Variants in JUP observed in about 807,000 individuals in gnomAD.
JUP encodes the protein junction plakoglobin.
A neutral mutation model predicts 71.1 loss-of-function variants in JUP; 28 were observed. That is an observed-to-expected ratio of 0.39 (90% CI 0.29 to 0.54). JUP has a LOEUF of 0.54. Among genes scored for constraint, JUP ranks in the 20% least tolerant of loss-of-function variants. The pLI, the probability that JUP is intolerant of heterozygous loss-of-function variation, is 0.62. For missense variants in JUP, 869 were observed against 1,030.1 expected, an observed-to-expected ratio of 0.84 and a Z score of 2.14; for synonymous variants, 401 against 438.9, an observed-to-expected ratio of 0.91 and a Z score of 1.08.
chr17:41,769,007 G>A lies in JUP; in HGVS notation c.669C>T (p.Phe223=), dbSNP rs1555605147. 8 of 1,610,026 alleles carry A rather than the reference G, an allele frequency of 5.0e-6. No homozygotes were observed. In the South Asian group the frequency reaches 6.6e-5, roughly 13 times the overall value. Residue 223 remains phenylalanine (F), a synonymous_variant, in exon 4 of 14, where the codon TTC becomes TTT. Transcript: ENST00000393931. ...CCAGAGCAGGGATGCCACCCGACTTGAAGATGGCGAGCAGCCCCTCCCGGT... is the reference window on the plus strand; with the variant it reads ...CCAGAGCAGGGATGCCACCCGACTTAAAGATGGCGAGCAGCCCCTCCCGGT... The part of the protein sequence containing the change: ...SHHREGLLAI[F]KSGGIPALVR...
rs1916253441 is a variant in JUP at position 41,769,494 on chromosome 17, A to ATGAGATGC, written c.384_391dup (p.Ile131SerfsTer32). ...CAGCTCGGCATCGTCCTGGTAGTTG[A>ATGAGATGC]TGAGATGCACAATGGCCGACTTGAG... On this transcript the variant is annotated frameshift_variant, in exon 3 of 14. Coordinates refer to ENST00000393931, the MANE Select transcript of JUP (RefSeq NM_002230.4). LOFTEE classifies it high-confidence loss of function. 1.2e-6 allele frequency: 2 copies of ATGAGATGC among 1,612,988 alleles called. No individual in the cohort carries two copies. The highest frequency in any genetic ancestry group is 1.7e-6 in the Non-Finnish European group (2 of 1,179,702).
intron 12 of JUP, among the ~76,000 whole-genome samples, chr17:41,757,153 C>A (rs1257665122): frequency 6.6e-6 from 1 of 152,176 alleles, no homozygotes; most frequent in Non-Finnish European, 1.5e-5. Flanking sequence ...CCGCCCATAG[C>A]CTATCCAGCA....
chr17:41,757,624 C>T lies in JUP; in HGVS notation c.1924+10G>A. Reference sequence around the variant, plus strand: ...AGTGGGACCCAGCCTCCTGCCCTCCCCCAGCTCACCAGTGCCCTCGTTGCG... The same window carrying T: ...AGTGGGACCCAGCCTCCTGCCCTCCTCCAGCTCACCAGTGCCCTCGTTGCG... On this transcript the variant is annotated intron_variant, in intron 11 of 13. Transcript: ENST00000393931. 1 of 1,613,814 alleles carries T rather than the reference C, an allele frequency of 6.2e-7. No individual in the cohort carries two copies.
At position 41,755,229 on chromosome 17, in the gene JUP, A is replaced by C; in HGVS notation, c.*515T>G. The C allele has an allele frequency of 2.5e-6, 1 of 398,810 alleles. No individual in the cohort carries two copies. Among genetic ancestry groups the C allele is most frequent in the Non-Finnish European group, 4.4e-6 (1 of 226,362 alleles). 24.7% of individuals were successfully genotyped at this position (398,810 alleles called of 1,614,324 possible). The stretch of plus-strand genomic sequence containing the variant: ...CTGAAGCTTTAGTGGCCAGGGCCAC[A>C]GGGGCGGGGAGGGGGTGTCAGGCCC... On this transcript the variant is annotated 3_prime_UTR_variant, in exon 14 of 14. Coordinates refer to ENST00000393931, the MANE Select transcript of JUP (RefSeq NM_002230.4).
rs373684603 is a variant in JUP, at chr17:41,758,371, C to A, written c.1773+28G>T. ...GCCCTTTAAGCAGTGGTGGGGGGAC[C>A]TCTCCTGCCCACCTGCCCCAGACTC... On this transcript the variant is annotated intron_variant, in intron 10 of 13. Transcript: ENST00000393931. 4.7e-5 allele frequency: 75 copies of A among 1,611,814 alleles called. No homozygotes were observed. In the African/African-American group the frequency reaches 9.0e-4, roughly 19 times the overall value.
intron 1 of JUP, among the ~76,000 whole-genome samples, chr17:41,780,095 G>A (rs1277434273): frequency 2.6e-5 from 4 of 152,204 alleles, no homozygotes; most frequent in Admixed American, 6.5e-5. Context: ...GGTAGGGAAA[G>A]ACACAGAAAG....
chr17:41,783,776 G>A (rs1300063245), intron 1 of JUP, among the ~76,000 whole-genome samples: 4 of 151,648 alleles, frequency 2.6e-5, no homozygotes, highest in East Asian at 2.0e-4. Flanking sequence ...AAAATCAGCC[G>A]GGGGTGGTGG....
intron 1 of JUP, among the ~76,000 whole-genome samples, chr17:41,781,370 G>GA: frequency 7.0e-6 from 1 of 142,706 alleles, no homozygotes; most frequent in East Asian, 1.9e-4. Context: ...AAAAAAAAAA[G>GA]AAAGAAAGAA....
chr17:41,762,164 AGAGAGAGAGAGAGTGTGT>A (rs1319230339), intron 8 of JUP, among the ~76,000 whole-genome samples: 2,587 of 77,228 alleles, frequency 0.033, 6 homozygotes, highest in Non-Finnish European at 0.048. Flanking sequence ...AGAGAGAGAG[AGAGAGAGAGAGAGTGTGT>A]GTGTGTGTGT....
At chr17:41,773,304 C>A (rs1916940714) in intron 1 of JUP, among the ~76,000 whole-genome samples, 1 of 152,214 alleles carries the variant, frequency 6.6e-6, no homozygotes, top group Non-Finnish European at 1.5e-5. Context: ...TGCCCCAGTG[C>A]CGCCCTGGCC....
chr17:41,781,416 C>T (rs1400176850), intron 1 of JUP, among the ~76,000 whole-genome samples: 12 of 152,160 alleles, frequency 7.9e-5, no homozygotes, highest in African/African-American at 2.9e-4. Context: ...GCTCTGCTGG[C>T]CCCAAAGGCC....
intron 12 of JUP, 47 bp from the exon 13 acceptor site, chr17:41,756,261 C>A (rs1348420635): frequency 6.3e-7 from 1 of 1,587,838 alleles, no homozygotes; most frequent in Non-Finnish European, 8.6e-7. Context: ...AAAATGCAGG[C>A]TCCGAGCTGG....
Position 41,769,196 on chromosome 17 carries a change from G to C in JUP, c.480C>G (p.Thr160=). 1.2e-6 allele frequency: 2 copies of C among 1,600,748 alleles called. No homozygotes were observed. The change falls in exon 4 of 14, where the codon ACC becomes ACG. Residue 160 remains threonine, a synonymous_variant. Coordinates refer to ENST00000393931, the MANE Select transcript of JUP (RefSeq NM_002230.4). ...LLNDEDPVVV[T]KAAMIVNQLS... ...GCTGGTTCACAATCATGGCCGCCTT[G>C]GTCACCACCACCTGGAGGGCAAAGG...
In JUP at chr17:41,761,141, G is replaced by A. The variant is rs551818789; in HGVS notation, c.1497+1842C>T. ...ACACAGCTAGCTCTCTTCCACCCAG[G>A]TAGCCTCAAGAAGAAGACCCCACTC... On this transcript the variant is annotated intron_variant, in intron 8 of 13. Transcript: ENST00000393931. Among the ~76,000 whole-genome samples the A allele has an allele frequency of 2.0e-5, 3 of 152,174 alleles. No homozygotes were observed. The South Asian group carries it at 6.2e-4, about 32-fold the overall frequency.
intron 1 of JUP, among the ~76,000 whole-genome samples, chr17:41,782,896 A>G (rs891900187): frequency 6.6e-6 from 1 of 152,060 alleles, no homozygotes; most frequent in Non-Finnish European, 1.5e-5. Flanking sequence ...CAGGAGTTCG[A>G]GACCATCCTG....
intron 1 of JUP, among the ~76,000 whole-genome samples, chr17:41,779,530 A>G (rs1040372086): frequency 2.6e-5 from 4 of 151,792 alleles, no homozygotes; most frequent in Admixed American, 2.0e-4. Context: ...GGGTTTCACC[A>G]TGTTAGCCAG....
intron 1 of JUP, among the ~76,000 whole-genome samples, chr17:41,774,798 C>G (rs561642054): frequency 6.6e-6 from 1 of 152,006 alleles, no homozygotes; most frequent in East Asian, 1.9e-4. Context: ...GCAGAGCACT[C>G]GGCTGCAAAT....
chr17:41,757,499 C>T lies in JUP; in HGVS notation c.1962G>A (p.Glu654=). ...GCTTCCGGTAGTCTGGGTTCTTGTC[C>T]TCGGAGATGCGGAACAGGACGGCAG... The part of the protein sequence containing the change: ...YAAAVLFRIS[E]DKNPDYRKRV... Residue 654 remains glutamate, a synonymous_variant, in exon 12 of 14, where the codon GAG becomes GAA. Coordinates refer to ENST00000393931, the MANE Select transcript of JUP (RefSeq NM_002230.4). The T allele has an allele frequency of 6.2e-7, 1 of 1,614,180 alleles. No individual in the cohort carries two copies. Among genetic ancestry groups the T allele is most frequent in the East Asian group, 2.2e-5 (1 of 44,878 alleles).
At chr17:41,778,411 G>T (rs2046986305) in intron 1 of JUP, among the ~76,000 whole-genome samples, 1 of 151,902 alleles carries the variant, frequency 6.6e-6, no homozygotes, top group African/African-American at 2.4e-5. Flanking sequence ...ACAAAAAAAT[G>T]CAAAAATTAG....
Sources: allele counts gnomAD v4.1 joint callset (sites outside exome capture counted in the v4.1 genomes callset), GRCh38; gene constraint gnomAD v4.1.1; transcripts MANE v1.5; gene names NCBI Gene and HGNC (gene_info 2026-07-23, HGNC 2026-07-21).